Variants in PHRF1 observed in about 807,000 individuals in gnomAD.
The protein encoded by PHRF1 is PHD and RING finger domain-containing protein 1.
PHRF1 carries 53 observed loss-of-function variants against 128.9 expected under a neutral mutation model. That is an observed-to-expected ratio of 0.41 (90% CI 0.33 to 0.52). PHRF1 has a LOEUF of 0.52. PHRF1 is among the 20% of genes least tolerant of loss of function. The pLI is 0.21. For synonymous variants in PHRF1, 1,178 were observed against 980.6 expected (o/e 1.20, Z -3.76); for missense variants, 2,503 against 2,284.5 (o/e 1.10, Z -1.95).
intron 3 of PHRF1, among the ~76,000 whole-genome samples, chr11:583,977 T>C (rs1325909251): frequency 1.3e-5 from 2 of 152,268 alleles, no homozygotes; most frequent in East Asian, 3.8e-4. Flanking sequence ...AAGTGGCTAC[T>C]GTGATCTGTG....
intron 13 of PHRF1, 107 bp downstream of exon 13, chr11:606,703 G>T: frequency 7.1e-7 from 1 of 1,408,652 alleles, no homozygotes. Flanking sequence ...AGCTGAAGTT[G>T]GGGGGACCAT....
chr11:605,780 G>C, intron 12 of PHRF1, 56 bp downstream of exon 12: 1 of 1,544,892 alleles, frequency 6.5e-7, no homozygotes, highest in Non-Finnish European at 8.7e-7. Context: ...GCATCGGATG[G>C]GAGTTCTAGG....
In PHRF1 at chr11:597,565, G is replaced by C. The variant is rs777887168; in HGVS notation, c.889G>C (p.Val297Leu). ...GAACCGGATCTCCACGGCCAGGAGG[G>C]TCCAGGTGGGTGGCCCAGCCCTGAC... ...NRNRISTARR[V>L]QHTPGRLGSS... The change falls in exon 8 of 18, where the codon GTC becomes CTC. Residue 297 changes from valine to leucine, a missense_variant. By Grantham distance (32) the Val-to-Leu change is conservative. Coordinates refer to ENST00000264555, the MANE Select transcript of PHRF1 (RefSeq NM_001286581.2). This position sits in a 1 kb window ranked among gnomAD's most constrained non-coding sequence, Gnocchi z 6.5. 6.2e-7 allele frequency: 1 copy of C among 1,610,526 alleles called. No homozygotes were observed. The highest frequency in any genetic ancestry group is 8.5e-7 in the Non-Finnish European group (1 of 1,178,916).
Position 597,564 on chromosome 11 carries a change from G to A in PHRF1, c.888G>A (p.Arg296=), listed in dbSNP as rs1223034853. The change falls in exon 8 of 18, where the codon AGG becomes AGA. Residue 296 remains arginine, a synonymous_variant. Coordinates refer to ENST00000264555, the MANE Select transcript of PHRF1 (RefSeq NM_001286581.2). The surrounding 1 kb of genome is among the most constrained non-coding windows in gnomAD (Gnocchi z 6.5). Reference sequence around the variant, plus strand: ...GGAACCGGATCTCCACGGCCAGGAGGGTCCAGGTGGGTGGCCCAGCCCTGA... The same window carrying A: ...GGAACCGGATCTCCACGGCCAGGAGAGTCCAGGTGGGTGGCCCAGCCCTGA... The part of the protein sequence containing the change: ...VNRNRISTAR[R]VQHTPGRLGS... The A allele has an allele frequency of 2.5e-6, 4 of 1,610,456 alleles. No individual in the cohort carries two copies. The African/African-American group carries it at 4.0e-5, about 16-fold the overall frequency.
rs774027905 is a variant in PHRF1 at position 587,346 on chromosome 11, CTGA to C, written c.311_313del (p.Asp104del). The C allele has an allele frequency of 2.5e-6, 4 of 1,613,728 alleles. No homozygotes were observed. Among genetic ancestry groups the C allele is most frequent in the African/African-American group, 2.7e-5 (2 of 74,934 alleles). On this transcript the variant is annotated inframe_deletion, in exon 4 of 18. Coordinates refer to ENST00000264555, the MANE Select transcript of PHRF1 (RefSeq NM_001286581.2). The stretch of plus-strand genomic sequence containing the variant: ...CTGGAAGCCGCTGGCTCTTTCAATT[CTGA>C]TGATGATGCAGAGAGCTGCCCAATC...
rs757683497 is a variant in PHRF1, at chr11:608,097, T to C, written c.2641T>C (p.Ser881Pro). The C allele has an allele frequency of 6.8e-6, 11 of 1,611,652 alleles. No homozygotes were observed. In the South Asian group the frequency reaches 1.2e-4, roughly 18 times the overall value. ...GGTGCAGGCTGTGCGCTGCGTCACC[T>C]CCTACACGGTGGAGAGCATCTTTGG... ...QTVQAVRCVTSYTVESIFGTE... is the reference protein window; with the variant it reads ...QTVQAVRCVTPYTVESIFGTE... The change falls in exon 14 of 18, where the codon TCC (serine) becomes CCC (proline). Residue 881 changes from serine to proline, a missense_variant. Transcript: ENST00000264555.
intron 10 of PHRF1, 80 bp downstream of exon 10, chr11:601,781 C>T (rs1855642993): frequency 9.5e-6 from 15 of 1,573,454 alleles, no homozygotes; most frequent in Non-Finnish European, 1.3e-5. Context: ...CCTAAGCCTC[C>T]CGCTGGCCTT....
chr11:607,333 A>G lies in PHRF1; in HGVS notation c.1877A>G (p.Gln626Arg). 1.2e-6 allele frequency: 2 copies of G among 1,612,718 alleles called. No homozygotes were observed. Among genetic ancestry groups the G allele is most frequent in the East Asian group, 2.2e-5 (1 of 44,880 alleles). Residue 626 changes from glutamine (Q) to arginine (R), a missense_variant, in exon 14 of 18, where the codon CAG (glutamine) becomes CGG (arginine). Transcript: ENST00000264555. ...AATGGGAGTGTGCCTGGCTTCAGAC[A>G]GAGCCACAGCCCCTGGTTCAACGGC... ...LSNGSVPGFR[Q>R]SHSPWFNGTN...
intron 3 of PHRF1, among the ~76,000 whole-genome samples, chr11:584,051 T>G (rs1450290840): frequency 2.0e-5 from 3 of 152,220 alleles, no homozygotes; most frequent in Non-Finnish European, 4.4e-5. Flanking sequence ...AAGGTAACAC[T>G]CCTGTTTGAG....
Position 608,175 on chromosome 11 carries a change from G to C in PHRF1, c.2719G>C (p.Gly907Arg), listed in dbSNP as rs756612271. The C allele has an allele frequency of 3.1e-6, 5 of 1,610,352 alleles. No individual in the cohort carries two copies. In the African/African-American group the frequency reaches 6.7e-5, roughly 21 times the overall value. ...GTCCTCCGCCATGTCCAAGCTCCGG[G>C]GTGCAGTGGCTGCCGAGGGGGCCTC... is the stretch of plus-strand genomic sequence containing the variant. ...GPSSAMSKLR[G>R]AVAAEGASDT... The change falls in exon 14 of 18, where the codon GGT (glycine) becomes CGT (arginine). Residue 907 changes from glycine (G) to arginine (R), a missense_variant. By Grantham distance (125) the Gly-to-Arg change is moderately radical. Transcript: ENST00000264555.
In PHRF1 at chr11:610,526, C is replaced by A; in HGVS notation, c.4442C>A (p.Ala1481Asp). 6.2e-7 allele frequency: 1 copy of A among 1,604,646 alleles called. No homozygotes were observed. Residue 1481 changes from alanine to aspartate, a missense_variant, in exon 16 of 18, where the codon GCC becomes GAC. Transcript: ENST00000264555. Reference protein sequence around the residue: ...SQVYSPGLPPAPAQPSSIPPC... With the variant: ...SQVYSPGLPPDPAQPSSIPPC... ...GTTTACAGCCCCGGCCTGCCGCCTG[C>A]CCCGGCCCAGCCCTCAAGCATCCCA... is the stretch of plus-strand genomic sequence containing the variant.
Position 601,666 on chromosome 11 carries a change from C to T in PHRF1, c.1117C>T (p.His373Tyr), listed in dbSNP as rs1564856943. ...AGCGACAAGATCTAAGAAACGCCAA[C>T]ATCGAGTGAAGAAGAGAAGAGGGAA... The part of the protein sequence containing the change: ...SSATRSKKRQ[H>Y]RVKKRRGKKV... The change falls in exon 10 of 18, where the codon CAT becomes TAT. Residue 373 changes from histidine (H) to tyrosine (Y), a missense_variant. Physicochemically the swap from His to Tyr is moderately conservative, Grantham distance 83 (BLOSUM62 2). Transcript: ENST00000264555. 1 of 1,613,842 alleles carries T rather than the reference C, an allele frequency of 6.2e-7. No homozygotes were observed. Among genetic ancestry groups the T allele is most frequent in the Non-Finnish European group, 8.5e-7 (1 of 1,179,878 alleles).
At chr11:583,378 G>A (rs886907728) in intron 3 of PHRF1, among the ~76,000 whole-genome samples, 64 of 152,076 alleles carry the variant, frequency 4.2e-4, no homozygotes, top group African/African-American at 1.5e-3. Flanking sequence ...TTAGCCGGGC[G>A]TGGTGGTGCG....
chr11:598,852 C>G lies in PHRF1; in HGVS notation c.1024+350C>G, dbSNP rs145272389. Reference sequence around the variant, plus strand: ...CGCCCTGAAGCCATCTGGGCCTGGGCTTTTCTGTGGGGGCCGAGTTGAGAT... The same window carrying G: ...CGCCCTGAAGCCATCTGGGCCTGGGGTTTTCTGTGGGGGCCGAGTTGAGAT... On this transcript the variant is annotated intron_variant, in intron 9 of 17. Transcript: ENST00000264555. Among the ~76,000 whole-genome samples, 11 of 152,344 alleles carry G rather than the reference C, an allele frequency of 7.2e-5. No individual in the cohort carries two copies. In the East Asian group the frequency reaches 1.9e-3, roughly 27 times the overall value.
In PHRF1 at chr11:594,005, T is replaced by C. The variant is rs116653428; in HGVS notation, c.620+1331T>C. 8.4e-3 allele frequency among the ~76,000 whole-genome samples: 1,273 copies of C among 152,302 alleles called. 20 individuals carry two copies. The highest frequency in any genetic ancestry group is 0.029 in the African/African-American group (1,208 of 41,574). On this transcript the variant is annotated intron_variant, in intron 6 of 17. Coordinates refer to ENST00000264555, the MANE Select transcript of PHRF1 (RefSeq NM_001286581.2). Reference sequence around the variant, plus strand: ...TTGCTGTGAGTCTGAAGGGCAGGGCTGCTGCCTTGACTATCCCAGCAGCCT... The same window carrying C: ...TTGCTGTGAGTCTGAAGGGCAGGGCCGCTGCCTTGACTATCCCAGCAGCCT...
intron 3 of PHRF1, among the ~76,000 whole-genome samples, chr11:584,046 A>G (rs1186194897): frequency 6.6e-6 from 1 of 152,228 alleles, no homozygotes; most frequent in African/African-American, 2.4e-5. Context: ...CCAGAAAGGT[A>G]ACACTCCTGT....
intron 10 of PHRF1, 133 bp downstream of exon 10, chr11:601,834 T>C (rs1355782199): frequency 1.7e-6 from 2 of 1,172,332 alleles, no homozygotes; most frequent in Middle Eastern, 2.6e-4. Flanking sequence ...TCATCGTCTT[T>C]GCTTTTCTGT....
intron 1 of PHRF1, among the ~76,000 whole-genome samples, chr11:579,751 C>T (rs184206149): frequency 3.9e-5 from 6 of 152,364 alleles, no homozygotes; most frequent in African/African-American, 1.2e-4. Context: ...GGCAAAACTA[C>T]TTCTACAATC....
chr11:584,620 G>A (rs1854411904), intron 3 of PHRF1, among the ~76,000 whole-genome samples: 1 of 152,126 alleles, frequency 6.6e-6, no homozygotes, highest in Non-Finnish European at 1.5e-5. Flanking sequence ...ACAGGTTTAT[G>A]GAGACCTGGA....
Sources: gnomAD v4.1 joint callset for allele counts (sites outside exome capture counted in the v4.1 genomes callset) on GRCh38, gnomAD v4.1.1 for gene constraint, Gnocchi (gnomAD v3.1) non-coding constraint, MANE v1.5 for transcripts, NCBI Gene and HGNC (gene_info 2026-07-23, HGNC 2026-07-21) for gene names.